The following PLD1 variants were observed in gnomAD, a reference collection of about 807,000 sequenced individuals.
The protein encoded by PLD1 is phospholipase D1, also known as choline phosphatase 1.
In PLD1, 112 loss-of-function variants were observed where a neutral mutation model predicts 137.1. The observed-to-expected ratio is 0.82, with a 90% CI of 0.70 to 0.96. PLD1 has a LOEUF of 0.96. PLD1 is among the 40% of genes least tolerant of loss of function. PLD1 has a pLI of 0.00. For missense variants in PLD1, 1,321 were observed against 1,342.0 expected, an observed-to-expected ratio of 0.98 and a Z score of 0.24; for synonymous variants, 431 against 454.7, an observed-to-expected ratio of 0.95 and a Z score of 0.66.
chr3:171,627,796 T>C lies in PLD1; in HGVS notation c.2594-7276A>G, dbSNP rs540705219. On this transcript the variant is annotated intron_variant, in intron 23 of 26. Coordinates refer to ENST00000351298, the MANE Select transcript of PLD1 (RefSeq NM_002662.5). ...AACGAAATGAAGGCAGAAATAAAAA[T>C]GTTCTTTGAAACCAATGAGAACAAA... Among the ~76,000 whole-genome samples, 8 of 152,282 alleles carry C rather than the reference T, an allele frequency of 5.3e-5. No homozygotes were observed. The South Asian group carries it at 1.7e-3, about 32-fold the overall frequency.
chr3:171,778,656 C>T (rs374678273), intron 1 of PLD1, among the ~76,000 whole-genome samples: 1 of 152,304 alleles, frequency 6.6e-6, no homozygotes, highest in East Asian at 1.9e-4. Flanking sequence ...GAGGCCAATA[C>T]AAACTTGGCG....
intron 12 of PLD1, among the ~76,000 whole-genome samples, chr3:171,693,966 G>A (rs752924570): frequency 1.3e-5 from 2 of 151,982 alleles, no homozygotes; most frequent in Non-Finnish European, 2.9e-5. Flanking sequence ...AATGTTTTTA[G>A]ATTCTAGATC....
intron 11 of PLD1, among the ~76,000 whole-genome samples, chr3:171,708,101 A>G (rs1442587133): frequency 1.3e-5 from 2 of 152,186 alleles, no homozygotes; most frequent in Admixed American, 6.5e-5. Flanking sequence ...GGCATGTGTA[A>G]TGGGTTTTAA....
chr3:171,628,440 G>A (rs1560159243), intron 23 of PLD1, among the ~76,000 whole-genome samples: 1 of 152,096 alleles, frequency 6.6e-6, no homozygotes, highest in Non-Finnish European at 1.5e-5. Context: ...GTATAAGGAG[G>A]AACTGGTACC....
At chr3:171,711,646 T>C (rs1373830493) in intron 9 of PLD1, among the ~76,000 whole-genome samples, 1 of 152,022 alleles carries the variant, frequency 6.6e-6, no homozygotes, top group Non-Finnish European at 1.5e-5. Context: ...AGGGACTCTC[T>C]TGCTTCCACA....
chr3:171,765,696 A>T (rs1029540930), intron 1 of PLD1, among the ~76,000 whole-genome samples: 2 of 152,170 alleles, frequency 1.3e-5, no homozygotes, highest in Admixed American at 1.3e-4. Context: ...GGAAGTATGA[A>T]GTCAGCTACT....
At chr3:171,699,419 C>T (rs992618249) in intron 12 of PLD1, among the ~76,000 whole-genome samples, 4 of 152,186 alleles carry the variant, frequency 2.6e-5, no homozygotes, top group Non-Finnish European at 5.9e-5. Context: ...CAATTAAATG[C>T]TATGCTCCAT....
At chr3:171,693,050 A>T (rs915559718) in intron 12 of PLD1, among the ~76,000 whole-genome samples, 4 of 152,244 alleles carry the variant, frequency 2.6e-5, no homozygotes, top group Non-Finnish European at 5.9e-5. Context: ...AATTCAATTG[A>T]TTCATCCTTC....
At chr3:171,764,854 A>AGGAAGGAAGGAAG (rs1491562752) in intron 1 of PLD1, among the ~76,000 whole-genome samples, 1 of 22,878 alleles carries the variant, frequency 4.4e-5, no homozygotes, top group African/African-American at 1.9e-4. Flanking sequence ...AAAGAAAGAA[A>AGGAAGGAAGGAAG]GAAAGAAAGA....
At chr3:171,749,235 A>G (rs894895247) in intron 1 of PLD1, among the ~76,000 whole-genome samples, 1 of 152,160 alleles carries the variant, frequency 6.6e-6, no homozygotes, top group Non-Finnish European at 1.5e-5. Flanking sequence ...CTGAAGCTGT[A>G]GGGCCCAAAG....
At chr3:171,804,488 T>C (rs1264116425) in intron 1 of PLD1, among the ~76,000 whole-genome samples, 1 of 152,240 alleles carries the variant, frequency 6.6e-6, no homozygotes, top group Non-Finnish European at 1.5e-5. Context: ...TTCACATCTA[T>C]TGTACACTAC....
chr3:171,655,606 G>C (rs1290473511), intron 21 of PLD1, among the ~76,000 whole-genome samples: 1 of 152,120 alleles, frequency 6.6e-6, no homozygotes, highest in African/African-American at 2.4e-5. Context: ...CCAAAGTGCT[G>C]GGATTACAGG....
chr3:171,686,444 T>G (rs1292415570), intron 16 of PLD1, among the ~76,000 whole-genome samples: 1 of 152,226 alleles, frequency 6.6e-6, no homozygotes, highest in Non-Finnish European at 1.5e-5. Flanking sequence ...ACTATTGAAT[T>G]GCATGTGCCA....
chr3:171,654,125 AC>A (rs530105475), intron 21 of PLD1: 277 of 361,928 alleles, frequency 7.7e-4, no homozygotes, highest in African/African-American at 5.0e-3. Flanking sequence ...ACATGGTGAA[AC>A]CCCGTCTCCA....
At chr3:171,688,421 A>G (rs1714790768) in intron 14 of PLD1, among the ~76,000 whole-genome samples, 1 of 152,206 alleles carries the variant, frequency 6.6e-6, no homozygotes, top group Admixed American at 6.5e-5. Context: ...TGAATATGGG[A>G]CAGCCAAAAT....
chr3:171,792,912 C>G (rs1578477745), intron 1 of PLD1: 1 of 325,636 alleles, frequency 3.1e-6, no homozygotes, highest in East Asian at 9.0e-5. Context: ...ACAAGGAAGC[C>G]AAAGCGGAAG....
intron 9 of PLD1, among the ~76,000 whole-genome samples, chr3:171,710,283 G>A (rs1003806811): frequency 5.3e-5 from 8 of 151,952 alleles, no homozygotes; most frequent in Admixed American, 1.3e-4. Context: ...GGATGGTCTC[G>A]ATCTCCTGAC....
At chr3:171,652,913 CTCAT>C (rs1257077567) in intron 21 of PLD1, among the ~76,000 whole-genome samples, 3 of 151,834 alleles carry the variant, frequency 2.0e-5, no homozygotes, top group Admixed American at 2.0e-4. Flanking sequence ...CAGTGCCCAG[CTCAT>C]TCAATTTTTT....
intron 21 of PLD1, among the ~76,000 whole-genome samples, chr3:171,654,669 G>A (rs1183363552): frequency 6.6e-6 from 1 of 152,170 alleles, no homozygotes; most frequent in Non-Finnish European, 1.5e-5. Context: ...ATTTTAGACT[G>A]TGGATTATGA....
Sources: allele counts gnomAD v4.1 joint callset (sites outside exome capture counted in the v4.1 genomes callset), GRCh38; gene constraint gnomAD v4.1.1; transcripts MANE v1.5; gene names NCBI Gene and HGNC (gene_info 2026-07-23, HGNC 2026-07-21).